The following PTPRA variants were observed in gnomAD, a reference collection of about 807,000 sequenced individuals.
PTPRA encodes the protein protein tyrosine phosphatase receptor type A.
PTPRA carries 25 observed loss-of-function variants against 104.8 expected under a neutral mutation model. That is an observed-to-expected ratio of 0.24 (90% confidence interval 0.17 to 0.33). The LOEUF (loss-of-function observed/expected upper bound fraction) is 0.33, where lower values mean the gene tolerates loss of function less well. PTPRA is among the 10% of genes least tolerant of loss of function. The pLI, the probability that PTPRA is intolerant of heterozygous loss-of-function variation, is 1.00. For missense variants in PTPRA, 765 were observed against 1,015.3 expected (o/e 0.75, Z 3.35); for synonymous variants, 323 against 368.9 (o/e 0.88, Z 1.43).
chr20:2,983,706 A>T (rs574529326), intron 6 of PTPRA, among the ~76,000 whole-genome samples: 2 of 152,276 alleles, frequency 1.3e-5, no homozygotes, highest in South Asian at 4.1e-4. Flanking sequence ...TTACTTGAGC[A>T]ACAGGGTGGG....
rs1413836906 is a variant in PTPRA at position 3,037,806 on chromosome 20, C to T, written c.2335-253C>T. On this transcript the variant is annotated intron_variant, in intron 23 of 23. Coordinates refer to ENST00000399903, the MANE Select transcript of PTPRA (RefSeq NM_001385305.1). This position sits in a 1 kb window ranked among gnomAD's most constrained non-coding sequence, Gnocchi z 4.3. ...TCAGCTGCACTGTCTCCCAGCCCAG[C>T]ACATGCCTGTCTGACCTCTGTGGGG... Among the ~76,000 whole-genome samples the T allele has an allele frequency of 1.3e-5, 2 of 152,154 alleles. No homozygotes were observed. The highest frequency in any genetic ancestry group is 2.9e-5 in the Non-Finnish European group (2 of 68,042).
chr20:3,033,988 A>G (rs1182027432), intron 20 of PTPRA, among the ~76,000 whole-genome samples: 1 of 150,946 alleles, frequency 6.6e-6, no homozygotes, highest in East Asian at 2.0e-4. Flanking sequence ...GAGACTTTTG[A>G]TCAGATGTGG....
At chr20:2,871,963 G>T (rs1406713618), upstream of PTPRA, among the ~76,000 whole-genome samples, 1 of 152,218 alleles carries the variant, frequency 6.6e-6, no homozygotes. Context: ...GGGAGGGGAC[G>T]GCCTGAGGCC....
upstream of PTPRA, among the ~76,000 whole-genome samples, chr20:2,869,186 A>G (rs1293394479): frequency 6.6e-6 from 1 of 152,150 alleles, no homozygotes; most frequent in African/African-American, 2.4e-5. Flanking sequence ...TTACTATATC[A>G]CACATCTGTT....
intron 13 of PTPRA, among the ~76,000 whole-genome samples, chr20:3,019,079 C>G (rs748399076): frequency 2.3e-4 from 33 of 141,152 alleles, no homozygotes; most frequent in East Asian, 2.2e-4. Context: ...CAGAGGGGCT[C>G]CTCACTTCCC....
chr20:2,976,494 T>C (rs2062436975), intron 6 of PTPRA, among the ~76,000 whole-genome samples: 1 of 152,194 alleles, frequency 6.6e-6, no homozygotes, highest in Non-Finnish European at 1.5e-5. Context: ...CATGTTGTGA[T>C]TAAGAAAACA....
intron 1 of PTPRA, among the ~76,000 whole-genome samples, chr20:2,905,937 C>T (rs547394803): frequency 3.2e-4 from 48 of 151,958 alleles, no homozygotes; most frequent in Non-Finnish European, 1.5e-4. Flanking sequence ...CCACCCGCCT[C>T]GGCCTCCCAA....
chr20:3,010,908 G>A (rs1260253846), intron 11 of PTPRA, among the ~76,000 whole-genome samples: 1 of 152,212 alleles, frequency 6.6e-6, no homozygotes, highest in East Asian at 1.9e-4. Flanking sequence ...AAACAAAATT[G>A]TGGCTCTAAT....
At chr20:2,957,966 G>A (rs994009584) in intron 3 of PTPRA, among the ~76,000 whole-genome samples, 6 of 150,146 alleles carry the variant, frequency 4.0e-5, no homozygotes, top group Non-Finnish European at 8.9e-5. Flanking sequence ...TTTTTTTTAA[G>A]CAGCATCTGG....
chr20:2,940,360 C>T (rs6076446), intron 2 of PTPRA, among the ~76,000 whole-genome samples: 2 of 150,302 alleles, frequency 1.3e-5, no homozygotes, highest in Admixed American at 1.3e-4. Flanking sequence ...CTCGCTGTAT[C>T]GCCTAGGCTG....
intron 1 of PTPRA, among the ~76,000 whole-genome samples, chr20:2,904,466 C>A (rs969951181): frequency 6.6e-6 from 1 of 151,642 alleles, no homozygotes; most frequent in Non-Finnish European, 1.5e-5. Context: ...GTCAGGAGAT[C>A]GAGACCATCC....
chr20:2,919,020 A>G (rs1490603291), intron 1 of PTPRA, among the ~76,000 whole-genome samples: 1 of 152,176 alleles, frequency 6.6e-6, no homozygotes, highest in Non-Finnish European at 1.5e-5. Context: ...ACACGTAGTA[A>G]ATACTTTAAT....
At chr20:2,877,312 A>G (rs2089783042) in intron 1 of PTPRA, among the ~76,000 whole-genome samples, 1 of 152,080 alleles carries the variant, frequency 6.6e-6, no homozygotes, top group Admixed American at 6.5e-5. Flanking sequence ...CCAGGCTGGA[A>G]TGCAATGGCG....
At chr20:2,899,818 A>T (rs2059158609) in intron 1 of PTPRA, among the ~76,000 whole-genome samples, 1 of 152,102 alleles carries the variant, frequency 6.6e-6, no homozygotes, top group African/African-American at 2.4e-5. Context: ...GACATTGAAA[A>T]ATCTGAGGCC....
intron 19 of PTPRA, among the ~76,000 whole-genome samples, 176 bp from the exon 20 acceptor site, chr20:3,027,531 C>T (rs566744976): frequency 1.3e-5 from 2 of 152,344 alleles, no homozygotes; most frequent in South Asian, 4.1e-4. Context: ...ACTTCCCTGT[C>T]TCTTACAGAA....
intron 5 of PTPRA, among the ~76,000 whole-genome samples, chr20:2,967,687 C>T (rs2061997049): frequency 6.6e-6 from 1 of 152,032 alleles, no homozygotes; most frequent in South Asian, 2.1e-4. Context: ...ATGGTGAAAC[C>T]CCATCTCTAC....
intron 11 of PTPRA, among the ~76,000 whole-genome samples, chr20:3,012,109 G>A (rs1433445699): frequency 2.6e-5 from 4 of 152,188 alleles, no homozygotes; most frequent in East Asian, 1.9e-4. Flanking sequence ...GCAGGAGTGG[G>A]TACTAAGTGA....
intron 9 of PTPRA, among the ~76,000 whole-genome samples, chr20:3,000,061 G>A (rs1019559346): frequency 1.1e-4 from 17 of 152,046 alleles, no homozygotes; most frequent in Admixed American, 2.0e-4. Flanking sequence ...TGAGGTAGGC[G>A]GATCACAAGG....
chr20:2,934,614 G>C (rs1330978317), intron 2 of PTPRA, among the ~76,000 whole-genome samples: 1 of 150,574 alleles, frequency 6.6e-6, no homozygotes, highest in East Asian at 1.9e-4. Flanking sequence ...GACTCAGAAA[G>C]CTGCAGTAGT....
Sources: gnomAD v4.1 joint callset for allele counts (sites outside exome capture counted in the v4.1 genomes callset) on GRCh38, gnomAD v4.1.1 for gene constraint, Gnocchi (gnomAD v3.1) non-coding constraint, MANE v1.5 for transcripts, NCBI Gene and HGNC (gene_info 2026-07-23, HGNC 2026-07-21) for gene names.